Variants in PWWP2B observed in about 807,000 individuals in gnomAD.
PWWP2B encodes the protein PWWP domain-containing protein 2B.
A neutral mutation model predicts 15.5 loss-of-function variants in PWWP2B; 9 were observed. The observed-to-expected ratio is 0.58, with a 90% CI of 0.35 to 1.02. PWWP2B has a LOEUF of 1.02. Among genes scored for constraint, PWWP2B ranks in the 50% least tolerant of loss-of-function variants. The probability of loss-of-function intolerance (pLI) is 0.02; values close to 1 mark genes in which losing one functional copy is unlikely to be tolerated. For synonymous variants in PWWP2B, 474 were observed against 403.6 expected (o/e 1.17, Z -2.09); for missense variants, 864 against 865.3 (o/e 1.00, Z 0.02).
At chr10:132,408,635 G>A (rs1348688913) in intron 2 of PWWP2B, among the ~76,000 whole-genome samples, 1 of 152,250 alleles carries the variant, frequency 6.6e-6, no homozygotes, top group African/African-American at 2.4e-5. Flanking sequence ...GATGAGGACG[G>A]GGATGGCTGG....
intron 2 of PWWP2B, among the ~76,000 whole-genome samples, chr10:132,414,003 C>T (rs996651529): frequency 1.3e-5 from 2 of 152,236 alleles, no homozygotes; most frequent in South Asian, 2.1e-4. Context: ...CCTCCAGGTT[C>T]CTGAGAACAC....
intron 2 of PWWP2B, among the ~76,000 whole-genome samples, chr10:132,414,783 G>A (rs935755770): frequency 6.6e-6 from 1 of 152,206 alleles, no homozygotes. Context: ...CAGAATCTGC[G>A]GGGTCGGAGG....
At chr10:132,412,971 T>C (rs1472287995) in intron 2 of PWWP2B, among the ~76,000 whole-genome samples, 1 of 152,242 alleles carries the variant, frequency 6.6e-6, no homozygotes, top group Non-Finnish European at 1.5e-5. Context: ...CCAGCGCCAG[T>C]GTCCTGTGGT....
At position 132,404,612 on chromosome 10, in the gene PWWP2B, C is replaced by G. The variant is rs2133152484; in HGVS notation, c.126-14C>G. 2 of 1,609,278 alleles carry G rather than the reference C, an allele frequency of 1.2e-6. No individual in the cohort carries two copies. The highest frequency in any genetic ancestry group is 1.3e-5 in the African/African-American group (1 of 74,946). ...GGTCCCTTCTCACTGTGGTTTCTCT[C>G]TCTCCATTGCCAGGTCCGGCCTCTT... On this transcript the variant is annotated splice_polypyrimidine_tract_variant and intron_variant, in intron 1 of 2. Transcript: ENST00000305233.
chr10:132,409,093 A>G (rs1026835964), intron 2 of PWWP2B, among the ~76,000 whole-genome samples: 5 of 152,164 alleles, frequency 3.3e-5, no homozygotes, highest in African/African-American at 1.2e-4. Flanking sequence ...CAGGGAGCCA[A>G]CACCTCTGAG....
intron 1 of PWWP2B, among the ~76,000 whole-genome samples, chr10:132,401,328 T>C (rs2069612878): frequency 6.6e-6 from 1 of 152,166 alleles, no homozygotes; most frequent in Admixed American, 6.5e-5. Flanking sequence ...GTTCTGTCCC[T>C]GAGCTCGCAA....
chr10:132,416,042 G>A (rs931770513), intron 2 of PWWP2B, among the ~76,000 whole-genome samples: 9 of 152,228 alleles, frequency 5.9e-5, no homozygotes, highest in Non-Finnish European at 8.8e-5. Context: ...TCACGGCATG[G>A]TGGTCTCAGG....
In PWWP2B at chr10:132,406,377, C is replaced by T. The variant is rs1691603278; in HGVS notation, c.*16+88C>T. On this transcript the variant is annotated intron_variant, in intron 2 of 2. Coordinates refer to ENST00000305233, the MANE Select transcript of PWWP2B (RefSeq NM_138499.4). The stretch of plus-strand genomic sequence containing the variant: ...CATGCCTCTGCTCCGGGCCCTGAGG[C>T]CCAGGGAGCCGCCGCCTGTGCCCCT... 9.4e-6 allele frequency: 11 copies of T among 1,174,244 alleles called. No individual in the cohort carries two copies. The Admixed American group carries it at 2.8e-4, about 30-fold the overall frequency. 72.7% of individuals were successfully genotyped at this position (1,174,244 alleles called of 1,614,324 possible). A position where few individuals can be genotyped will look rare whatever the true frequency, so the allele number is the denominator to read the frequency against.
At position 132,405,178 on chromosome 10, in the gene PWWP2B, G is replaced by C; in HGVS notation, c.678G>C (p.Ala226=). ...CGGAGAACGGCGAGCCCACGGCTGC[G>C]GCCACCGCCAGGAGGAGCAAGAGGG... The part of the protein sequence containing the change: ...EEPENGEPTA[A]ATARRSKRER... Residue 226 remains alanine, a synonymous_variant, in exon 2 of 3, where the codon GCG becomes GCC. Coordinates refer to ENST00000305233, the MANE Select transcript of PWWP2B (RefSeq NM_138499.4). 6.4e-7 allele frequency: 1 copy of C among 1,557,842 alleles called. No individual in the cohort carries two copies. Among genetic ancestry groups the C allele is most frequent in the Non-Finnish European group, 8.7e-7 (1 of 1,151,840 alleles).
chr10:132,417,148 G>A lies in PWWP2B; in HGVS notation c.*104G>A. On this transcript the variant is annotated 3_prime_UTR_variant, in exon 3 of 3. Coordinates refer to ENST00000305233, the MANE Select transcript of PWWP2B (RefSeq NM_138499.4). ...TGAGCCTTCTGGCCGGCTGCGTGCA[G>A]AGCCCACTGGGCACGGTGGTCGGCC... is the stretch of plus-strand genomic sequence containing the variant. 1 of 1,567,120 alleles carries A rather than the reference G, an allele frequency of 6.4e-7. No homozygotes were observed. The highest frequency in any genetic ancestry group is 1.1e-5 in the South Asian group (1 of 90,148).
intron 1 of PWWP2B, among the ~76,000 whole-genome samples, chr10:132,403,400 G>A (rs982599370): frequency 6.6e-6 from 1 of 152,174 alleles, no homozygotes. Flanking sequence ...TACCAGTTAC[G>A]CGTGTTCCCT....
intron 1 of PWWP2B, among the ~76,000 whole-genome samples, chr10:132,400,433 C>T (rs960216815): frequency 3.3e-5 from 5 of 152,114 alleles, no homozygotes; most frequent in Admixed American, 1.3e-4. Flanking sequence ...GGGGGCCGGC[C>T]GTGGCCACCT....
intron 2 of PWWP2B, 31 bp downstream of exon 2, chr10:132,406,320 C>T (rs778241534): frequency 6.5e-7 from 1 of 1,543,878 alleles, no homozygotes; most frequent in South Asian, 1.2e-5. Context: ...CTCCTTCCCC[C>T]CAGCGGCCCA....
At chr10:132,406,736 C>G (rs1234028170) in intron 2 of PWWP2B, among the ~76,000 whole-genome samples, 1 of 152,170 alleles carries the variant, frequency 6.6e-6, no homozygotes, top group African/African-American at 2.4e-5. Context: ...TCTCCCTCCT[C>G]CTGCACGCGG....
Position 132,406,033 on chromosome 10 carries a change from C to G in PWWP2B, c.1533C>G (p.Ile511Met), listed in dbSNP as rs1413853148. 6.2e-7 allele frequency: 1 copy of G among 1,613,736 alleles called. No homozygotes were observed. Among genetic ancestry groups the G allele is most frequent in the East Asian group, 2.2e-5 (1 of 44,858 alleles). ...FPWWPARVLD[I>M]SLGQKEDGEP... ...GGTGGCCGGCGCGTGTTCTTGACAT[C>G]AGTCTCGGCCAGAAGGAGGACGGAG... Residue 511 changes from isoleucine to methionine, a missense_variant, in exon 2 of 3, where the codon ATC (isoleucine) becomes ATG (methionine). Physicochemically the swap from Ile to Met is conservative, Grantham distance 10. This residue lies in a region of PWWP2B where 128 missense variants were observed against 177.6 expected (regional missense o/e 0.72). Coordinates refer to ENST00000305233, the MANE Select transcript of PWWP2B (RefSeq NM_138499.4).
In PWWP2B at chr10:132,405,732, C is replaced by T. The variant is rs368809172; in HGVS notation, c.1232C>T (p.Pro411Leu). The change falls in exon 2 of 3, where the codon CCT becomes CTT. Residue 411 changes from proline (P) to leucine (L), a missense_variant. Physicochemically the swap from Pro to Leu is moderately conservative, Grantham distance 98 (BLOSUM62 -3). This residue lies in a region of PWWP2B where 736 missense variants were observed against 687.7 expected (regional missense o/e 1.07). Transcript: ENST00000305233. The part of the protein sequence containing the change: ...REGLAFLVSC[P>L]EGRADCASES... ...GGCTTGGCTTTTCTCGTCAGCTGCC[C>T]TGAGGGGAGAGCGGACTGTGCCAGT... The T allele has an allele frequency of 1.2e-6, 2 of 1,610,044 alleles. No individual in the cohort carries two copies. The highest frequency in any genetic ancestry group is 1.3e-5 in the African/African-American group (1 of 74,938).
Position 132,397,305 on chromosome 10 carries a change from T to C in PWWP2B, c.79T>C (p.Cys27Arg). The C allele has an allele frequency of 7.0e-7, 1 of 1,429,986 alleles. No individual in the cohort carries two copies. The highest frequency in any genetic ancestry group is 1.5e-5 in the South Asian group (1 of 66,326). The allele number at this position is 1,429,986 out of a possible 1,614,324, so 88.6% of individuals were successfully genotyped here. A position where few individuals can be genotyped will look rare whatever the true frequency, so the allele number is the denominator to read the frequency against. ...VNGALVVTVS[C>R]GERSFAGILL... ...CGGCGCGCTGGTGGTCACGGTGAGC[T>C]GCGGCGAGCGGAGCTTCGCGGGGAT... The change falls in exon 1 of 3, where the codon TGC (cysteine) becomes CGC (arginine). Residue 27 changes from cysteine (C) to arginine (R), a missense_variant. Coordinates refer to ENST00000305233, the MANE Select transcript of PWWP2B (RefSeq NM_138499.4).
Position 132,401,471 on chromosome 10 carries a change from C to G in PWWP2B, c.126-3155C>G, listed in dbSNP as rs181915014. Among the ~76,000 whole-genome samples the G allele has an allele frequency of 2.3e-3, 347 of 152,286 alleles. 3 individuals carry two copies. The highest frequency in any genetic ancestry group is 0.017 in the Admixed American group (266 of 15,300). Reference sequence around the variant, plus strand: ...CCAGCGGATGGCTCTAAAAGGGCAGCCTGGACCCAGCAGGCCCATCTAGCT... The same window carrying G: ...CCAGCGGATGGCTCTAAAAGGGCAGGCTGGACCCAGCAGGCCCATCTAGCT... On this transcript the variant is annotated intron_variant, in intron 1 of 2. Transcript: ENST00000305233.
chr10:132,407,027 T>A (rs2069710511), intron 2 of PWWP2B, among the ~76,000 whole-genome samples: 2 of 152,168 alleles, frequency 1.3e-5, no homozygotes, highest in Non-Finnish European at 2.9e-5. Flanking sequence ...CTTGTGTGGA[T>A]TCTCTGTGCC....
Sources: allele counts gnomAD v4.1 joint callset (sites outside exome capture counted in the v4.1 genomes callset), GRCh38; gene constraint gnomAD v4.1.1; regional missense constraint gnomAD v4.1.1; transcripts MANE v1.5; gene names NCBI Gene and HGNC (gene_info 2026-07-23, HGNC 2026-07-21).